CFAP54: variants seen among roughly 807,000 people sequenced by gnomAD.
CFAP54 encodes cilia- and flagella-associated protein 54.
In CFAP54, 290 loss-of-function variants were observed where a neutral mutation model predicts 370.4. The ratio of observed to expected loss-of-function variants is 0.78; its 90% CI spans 0.71 to 0.86. CFAP54 has a LOEUF of 0.86. Ranked by LOEUF, CFAP54 falls within the 40% of genes least tolerant of loss-of-function variation. The pLI is 0.00. For synonymous variants in CFAP54, 1,206 were observed against 1,236.5 expected, an observed-to-expected ratio of 0.98 and a Z score of 0.52; for missense variants, 3,399 against 3,528.7, an observed-to-expected ratio of 0.96 and a Z score of 0.93.
At chr12:96,506,144 C>A (rs1955097925) in intron 3 of CFAP54, among the ~76,000 whole-genome samples, 1 of 152,034 alleles carries the variant, frequency 6.6e-6, no homozygotes, top group Non-Finnish European at 1.5e-5. Flanking sequence ...TCGAGACCAT[C>A]CTGGCTAACA....
chr12:96,552,187 A>G (rs1008198810), intron 15 of CFAP54, among the ~76,000 whole-genome samples: 8 of 147,860 alleles, frequency 5.4e-5, no homozygotes, highest in African/African-American at 1.5e-4. Context: ...CAGAGGTTGC[A>G]GTGAGCTGAG....
intron 32 of CFAP54, among the ~76,000 whole-genome samples, chr12:96,634,040 G>A (rs980900344): frequency 8.9e-6 from 1 of 111,924 alleles, no homozygotes; most frequent in Non-Finnish European, 2.1e-5. Flanking sequence ...TAATGATAGC[G>A]AACATCTTTT....
rs758494583 is a variant in CFAP54 at position 96,785,657 on chromosome 12, A to ATCTT, written c.8455+767_8455+768insTCTT. ...TTCAGAGGGAAAGGACATGGACAAGAGCCAGTGCAGCCAGCCCTGGTGATC... is the reference window on the plus strand; with the variant it reads ...TTCAGAGGGAAAGGACATGGACAAGATCTTGCCAGTGCAGCCAGCCCTGGTGATC... On this transcript the variant is annotated intron_variant, in intron 61 of 67. Coordinates refer to ENST00000524981, the MANE Select transcript of CFAP54 (RefSeq NM_001306084.2). 2.0e-5 allele frequency among the ~76,000 whole-genome samples: 3 copies of ATCTT among 152,272 alleles called. No homozygotes were observed. In the South Asian group the frequency reaches 6.2e-4, roughly 32 times the overall value.
intron 60 of CFAP54, 100 bp from the exon 61 acceptor site, chr12:96,784,617 G>A (rs1380245147): frequency 2.3e-6 from 2 of 877,762 alleles, no homozygotes; most frequent in Non-Finnish European, 3.2e-6. Flanking sequence ...TCATGTGTCA[G>A]CATTTCCTTT....
At chr12:96,753,040 AC>A (rs1313818458) in intron 55 of CFAP54, among the ~76,000 whole-genome samples, 2 of 152,182 alleles carry the variant, frequency 1.3e-5, no homozygotes, top group Admixed American at 1.3e-4. Context: ...GGAATGTAGG[AC>A]ACATTTAATA....
chr12:96,538,489 A>C lies in CFAP54; in HGVS notation c.1897A>C (p.Lys633Gln). 1.3e-6 allele frequency: 2 copies of C among 1,536,254 alleles called. No individual in the cohort carries two copies. Among genetic ancestry groups the C allele is most frequent in the Non-Finnish European group, 1.7e-6 (2 of 1,146,888 alleles). Residue 633 changes from lysine to glutamine, a missense_variant, in exon 13 of 68, where the codon AAA becomes CAA. Physicochemically the swap from Lys to Gln is moderately conservative, Grantham distance 53 (BLOSUM62 1). Transcript: ENST00000524981. ...RLNISRNDYAKFTQKISTNKW... is the reference protein window; with the variant it reads ...RLNISRNDYAQFTQKISTNKW... ...CAATATATCCAGAAATGACTATGCAAAATTCACCCAGAAAATCAGTACTAA... is the reference window on the plus strand; with the variant it reads ...CAATATATCCAGAAATGACTATGCACAATTCACCCAGAAAATCAGTACTAA...
intron 22 of CFAP54, among the ~76,000 whole-genome samples, chr12:96,585,025 A>G (rs1019959727): frequency 8.0e-6 from 1 of 124,936 alleles, no homozygotes; most frequent in African/African-American, 3.0e-5. Flanking sequence ...AAAGAGTCTG[A>G]TCTCTCTCTC....
intron 4 of CFAP54, among the ~76,000 whole-genome samples, chr12:96,512,249 T>A (rs540700528): frequency 7.3e-6 from 1 of 137,080 alleles, no homozygotes; most frequent in African/African-American, 2.7e-5. Context: ...CTGATCTTAT[T>A]TGGAGATAAA....
intron 57 of CFAP54, 135 bp downstream of exon 57, chr12:96,756,698 A>G (rs1407529563): frequency 1.5e-6 from 1 of 648,612 alleles, no homozygotes; most frequent in Non-Finnish European, 2.7e-6. Context: ...GTCCATCTCA[A>G]GCTTGTTGCT....
rs573307169 is a variant in CFAP54, at chr12:96,733,546, T to G, written c.6966-6410T>G. On this transcript the variant is annotated intron_variant, in intron 50 of 67. Coordinates refer to ENST00000524981, the MANE Select transcript of CFAP54 (RefSeq NM_001306084.2). The stretch of plus-strand genomic sequence containing the variant: ...CTTTCTTTCAAAATCCTGTGGGTTT[T>G]TTTTTTTTTTTTTAATAAGTGTTCC... Among the ~76,000 whole-genome samples, 6 of 121,764 alleles carry G rather than the reference T, an allele frequency of 4.9e-5. No homozygotes were observed. The East Asian group carries it at 3.6e-3, about 73-fold the overall frequency. 79.9% of individuals were successfully genotyped at this position (121,764 alleles called of 152,430 possible). A position where few individuals can be genotyped will look rare whatever the true frequency, so the allele number is the denominator to read the frequency against.
chr12:96,804,154 A>T (rs1016238602), intron 63 of CFAP54, among the ~76,000 whole-genome samples: 2 of 152,172 alleles, frequency 1.3e-5, no homozygotes, highest in Non-Finnish European at 2.9e-5. Flanking sequence ...CAGAACTTGA[A>T]TATGGGTCTT....
chr12:96,680,719 C>A (rs1270832049), intron 40 of CFAP54, among the ~76,000 whole-genome samples: 1 of 151,828 alleles, frequency 6.6e-6, no homozygotes, highest in Non-Finnish European at 1.5e-5. Context: ...ATATTGTCTG[C>A]AGACTCACAT....
At chr12:96,657,687 C>T (rs1035383116) in intron 36 of CFAP54, among the ~76,000 whole-genome samples, 195 bp from the exon 37 acceptor site, 2 of 152,192 alleles carry the variant, frequency 1.3e-5, no homozygotes, top group Admixed American at 6.5e-5. Context: ...ATATATAGCA[C>T]GTTTCCATCA....
At chr12:96,872,447 T>C (rs1300800692) in intron 67 of CFAP54, among the ~76,000 whole-genome samples, 1 of 152,032 alleles carries the variant, frequency 6.6e-6, no homozygotes, top group Non-Finnish European at 1.5e-5. Context: ...AGATTGAAAA[T>C]AGAAGGATGG....
At chr12:96,840,641 T>TTC (rs398020739) in intron 66 of CFAP54, among the ~76,000 whole-genome samples, 6 of 148,268 alleles carry the variant, frequency 4.0e-5, no homozygotes, top group African/African-American at 1.5e-4. Flanking sequence ...TTTTTTTTTT[T>TTC]ACAAACCAAG....
At chr12:96,715,006 G>A (rs532611315) in intron 48 of CFAP54, among the ~76,000 whole-genome samples, 1 of 152,300 alleles carries the variant, frequency 6.6e-6, no homozygotes, top group African/African-American at 2.4e-5. Context: ...GAGTGTATAG[G>A]TTCACATGCT....
At chr12:96,600,289 T>G (rs574981385) in intron 26 of CFAP54, among the ~76,000 whole-genome samples, 19 of 152,252 alleles carry the variant, frequency 1.2e-4, no homozygotes, top group Admixed American at 6.5e-4. Context: ...TTTCAGGTTT[T>G]TCAAAGATCA....
At chr12:96,694,233 A>C (rs1489985980) in intron 45 of CFAP54, among the ~76,000 whole-genome samples, 3 of 152,216 alleles carry the variant, frequency 2.0e-5, no homozygotes, top group Non-Finnish European at 4.4e-5. Flanking sequence ...ATGCTAAATT[A>C]CAAAAAATCT....
At chr12:96,549,320 G>A (rs574554836) in intron 15 of CFAP54, among the ~76,000 whole-genome samples, 1 of 152,256 alleles carries the variant, frequency 6.6e-6, no homozygotes, top group Non-Finnish European at 1.5e-5. Flanking sequence ...ACCACTATAT[G>A]AAATGGATTT....
Sources: allele counts gnomAD v4.1 joint callset (sites outside exome capture counted in the v4.1 genomes callset), GRCh38; gene constraint gnomAD v4.1.1; transcripts MANE v1.5; gene names NCBI Gene and HGNC (gene_info 2026-07-23, HGNC 2026-07-21).